ZDHHC17: variants seen among roughly 807,000 people sequenced by gnomAD.
ZDHHC17 encodes the protein zDHHC palmitoyltransferase 17.
A neutral mutation model predicts 90.3 loss-of-function variants in ZDHHC17; 40 were observed. That is an observed-to-expected ratio of 0.44 (90% CI 0.34 to 0.58). The LOEUF (loss-of-function observed/expected upper bound fraction) is 0.58. Among genes scored for constraint, ZDHHC17 ranks in the 20% least tolerant of loss-of-function variants. ZDHHC17 has a pLI of 0.01. For synonymous variants in ZDHHC17, 235 were observed against 252.4 expected (o/e 0.93, Z 0.65); for missense variants, 614 against 780.8 (o/e 0.79, Z 2.55).
chr12:76,822,185 A>G (rs1051638394), intron 7 of ZDHHC17, among the ~76,000 whole-genome samples: 1 of 152,232 alleles, frequency 6.6e-6, no homozygotes, highest in African/African-American at 2.4e-5. Flanking sequence ...TACAGGCAAA[A>G]ATAAAATCTA....
chr12:76,786,044 C>T (rs756044409), intron 1 of ZDHHC17, among the ~76,000 whole-genome samples: 3 of 151,800 alleles, frequency 2.0e-5, no homozygotes, highest in African/African-American at 4.8e-5. Flanking sequence ...AGAAGCATTG[C>T]GACTTGGTGA....
intron 1 of ZDHHC17, among the ~76,000 whole-genome samples, chr12:76,779,777 G>A (rs1952601763): frequency 6.6e-6 from 1 of 151,924 alleles, no homozygotes; most frequent in African/African-American, 2.4e-5. Context: ...TGTCTTCTGT[G>A]TTTTTAAGTT....
intron 1 of ZDHHC17, among the ~76,000 whole-genome samples, chr12:76,767,033 A>G (rs1952439333): frequency 6.7e-6 from 1 of 150,166 alleles, no homozygotes; most frequent in African/African-American, 2.5e-5. Flanking sequence ...AAAAAAAAAA[A>G]AGAAAAGAAA....
At position 76,845,751 on chromosome 12, in the gene ZDHHC17, C is replaced by T. The variant is rs374876990; in HGVS notation, c.1372C>T (p.Arg458Cys). Residue 458 changes from arginine to cysteine, a missense_variant, in exon 13 of 17, where the codon CGC (arginine) becomes TGC (cysteine). By Grantham distance (180) the Arg-to-Cys change is radical (BLOSUM62 -3). Around this residue, in one of 5 missense-constraint regions of ZDHHC17, gnomAD observed 117 missense variants for 183.6 expected, o/e 0.64. Coordinates refer to ENST00000426126, the MANE Select transcript of ZDHHC17 (RefSeq NM_015336.4). ...VRSKHCGVCN[R>C]CIAKFDHHCP... is the part of the protein sequence containing the mutation. ...GTCCAAACATTGTGGTGTGTGCAAC[C>T]GCTGTATAGCAAAATTTGATCATCA... 2.2e-5 allele frequency: 36 copies of T among 1,611,744 alleles called. No homozygotes were observed. The highest frequency in any genetic ancestry group is 3.3e-5 in the South Asian group (3 of 90,958).
At position 76,826,920 on chromosome 12, in the gene ZDHHC17, A is replaced by G. The variant is rs1329911011; in HGVS notation, c.910A>G (p.Lys304Glu). Residue 304 changes from lysine (K) to glutamate (E), a missense_variant, in exon 9 of 17, where the codon AAA becomes GAA. Transcript: ENST00000426126. ...KLKADKEFRQ[K>E]VMLGTPFLVI... ...TGTTTCTATACAGGAATTTCGGCAG[A>G]AAGTAATGTTAGGAACTCCTTTCCT... The G allele has an allele frequency of 6.6e-7, 1 of 1,510,026 alleles. No individual in the cohort carries two copies. Among genetic ancestry groups the G allele is most frequent in the African/African-American group, 1.5e-5 (1 of 68,208 alleles). The allele number at this position is 1,510,026 out of a possible 1,614,324, so 93.5% of individuals were successfully genotyped here. A position where few individuals can be genotyped will look rare whatever the true frequency, so the allele number is the denominator to read the frequency against.
intron 1 of ZDHHC17, among the ~76,000 whole-genome samples, chr12:76,784,483 G>A (rs762709848): frequency 6.6e-6 from 1 of 152,192 alleles, no homozygotes; most frequent in Non-Finnish European, 1.5e-5. Context: ...GAAAGGATAA[G>A]ATGATGTTGA....
rs575828586 is a variant in ZDHHC17 at position 76,812,248 on chromosome 12, T to A, written c.543+2391T>A. 4.6e-5 allele frequency among the ~76,000 whole-genome samples: 7 copies of A among 152,280 alleles called. No homozygotes were observed. The East Asian group carries it at 1.3e-3, about 29-fold the overall frequency. The stretch of plus-strand genomic sequence containing the variant: ...CTCTGTGCTAGAGCACTGTGCCGTT[T>A]AACCCCTGGATACCTTTGAGCTCCA... On this transcript the variant is annotated intron_variant, in intron 5 of 16. Coordinates refer to ENST00000426126, the MANE Select transcript of ZDHHC17 (RefSeq NM_015336.4).
At chr12:76,788,688 A>ATTTTTT (rs763269507) in intron 1 of ZDHHC17, among the ~76,000 whole-genome samples, 13 of 98,662 alleles carry the variant, frequency 1.3e-4, no homozygotes, top group African/African-American at 3.2e-4. Flanking sequence ...TGGAATCGCA[A>ATTTTTT]TTTTTTTTTT....
At chr12:76,825,133 A>AC (rs1297343804) in intron 8 of ZDHHC17, among the ~76,000 whole-genome samples, 8 of 152,102 alleles carry the variant, frequency 5.3e-5, no homozygotes, top group Admixed American at 5.2e-4. Context: ...CTGTAGCTGG[A>AC]CTATATCAAG....
chr12:76,808,808 T>C (rs1414824630), intron 3 of ZDHHC17, among the ~76,000 whole-genome samples: 3 of 150,614 alleles, frequency 2.0e-5, no homozygotes, highest in Non-Finnish European at 4.4e-5. Flanking sequence ...TTTTTATTCT[T>C]TTTTTTTTGT....
In ZDHHC17 at chr12:76,837,714, T is replaced by C. The variant is rs372661459; in HGVS notation, c.1142-4268T>C. On this transcript the variant is annotated intron_variant, in intron 10 of 16. Transcript: ENST00000426126. ...ATCTGAAATTTTCTGTTAGGATCTC[T>C]GAATTCTGTTTGATGTATTTATTAA... Among the ~76,000 whole-genome samples, 4 of 152,354 alleles carry C rather than the reference T, an allele frequency of 2.6e-5. No individual in the cohort carries two copies. In the East Asian group the frequency reaches 7.7e-4, roughly 29 times the overall value.
intron 10 of ZDHHC17, among the ~76,000 whole-genome samples, chr12:76,837,402 G>A (rs764422821): frequency 3.3e-5 from 5 of 152,196 alleles, no homozygotes; most frequent in Non-Finnish European, 7.4e-5. Flanking sequence ...GGTTGAGGCA[G>A]TAGGACCCTT....
chr12:76,822,874 C>T (rs934772594), intron 8 of ZDHHC17, among the ~76,000 whole-genome samples: 1 of 151,766 alleles, frequency 6.6e-6, no homozygotes, highest in Non-Finnish European at 1.5e-5. Flanking sequence ...TGAAGATTTT[C>T]GATATATAAT....
intron 3 of ZDHHC17, among the ~76,000 whole-genome samples, chr12:76,807,964 C>T (rs913765068): frequency 2.0e-5 from 3 of 152,060 alleles, no homozygotes; most frequent in East Asian, 1.9e-4. Flanking sequence ...TAAATGTTTG[C>T]GTTATTAATA....
At chr12:76,764,938 A>G (rs1952414823) in intron 1 of ZDHHC17, 2 of 440,950 alleles carry the variant, frequency 4.5e-6, no homozygotes, top group African/African-American at 2.0e-5. Context: ...TTAGCTTGTC[A>G]AAGTACCGTT....
chr12:76,852,290 AGGGAATGGGGTGGGAGATGTGG>A lies in ZDHHC17; in HGVS notation c.*1314_*1335del, dbSNP rs1474173242. 8 of 152,610 alleles carry A rather than the reference AGGGAATGGGGTGGGAGATGTGG, an allele frequency of 5.2e-5. No homozygotes were observed. The South Asian group carries it at 8.3e-4, about 16-fold the overall frequency. The allele number at this position is 152,610 out of a possible 1,614,324, so 9.5% of individuals were successfully genotyped here. The stretch of plus-strand genomic sequence containing the variant: ...GAGCAACCTGTGGGAAATCTGTGAG[AGGGAATGGGGTGGGAGATGTGG>A]GGGAATGGTGGTCAGACTGATGACA... On this transcript the variant is annotated 3_prime_UTR_variant, in exon 17 of 17. Coordinates refer to ENST00000426126, the MANE Select transcript of ZDHHC17 (RefSeq NM_015336.4).
At chr12:76,791,878 T>A (rs1347987996) in intron 1 of ZDHHC17, among the ~76,000 whole-genome samples, 2 of 152,134 alleles carry the variant, frequency 1.3e-5, no homozygotes, top group East Asian at 3.8e-4. Context: ...CATTTTTCAG[T>A]TTATTATAAA....
intron 15 of ZDHHC17, 53 bp from the exon 16 acceptor site, chr12:76,849,323 C>CAAAAAAAAAAA (rs34062414): frequency 0.011 from 5,080 of 453,646 alleles, 181 homozygotes; most frequent in Non-Finnish European, 0.013. Context: ...GGTCCTGTCT[C>CAAAAAAAAAAA]AAAAAAAAAA....
chr12:76,846,702 CTTT>C lies in ZDHHC17; in HGVS notation c.1507+26_1507+28del, dbSNP rs553424440. On this transcript the variant is annotated intron_variant, in intron 14 of 16. Transcript: ENST00000426126. ...CTTGTGAGTACAATTAGTTTTCGGT[CTTT>C]TTAAAACAAATTTCTGCATACTTAG... 232 of 1,552,098 alleles carry C rather than the reference CTTT, an allele frequency of 1.5e-4. 2 individuals carry two copies. The South Asian group carries it at 2.6e-3, about 17-fold the overall frequency.
Sources: allele counts gnomAD v4.1 joint callset (sites outside exome capture counted in the v4.1 genomes callset), GRCh38; gene constraint gnomAD v4.1.1; regional missense constraint gnomAD v4.1.1; transcripts MANE v1.5; gene names NCBI Gene and HGNC (gene_info 2026-07-23, HGNC 2026-07-21).